CDH12: variants seen among roughly 807,000 people sequenced by gnomAD.
CDH12 encodes the protein cadherin 12.
In CDH12, 41 loss-of-function variants were observed where a neutral mutation model predicts 74.1. The ratio of observed to expected loss-of-function variants is 0.55; its 90% CI spans 0.43 to 0.72. The LOEUF is 0.72. Among genes scored for constraint, CDH12 ranks in the 30% least tolerant of loss-of-function variants. CDH12 has a pLI of 0.00. For synonymous variants in CDH12, 399 were observed against 355.0 expected (o/e 1.12, Z -1.39); for missense variants, 945 against 977.2 (o/e 0.97, Z 0.44).
At chr5:22,393,405 C>G (rs1447879284) in intron 3 of CDH12, among the ~76,000 whole-genome samples, 1 of 152,098 alleles carries the variant, frequency 6.6e-6, no homozygotes, top group Non-Finnish European at 1.5e-5. Context: ...AGACTTCCAG[C>G]CTCTAACATT....
chr5:22,314,657 GA>G (rs1738535527), intron 3 of CDH12, among the ~76,000 whole-genome samples: 1 of 152,132 alleles, frequency 6.6e-6, no homozygotes, highest in South Asian at 2.1e-4. Context: ...GTAAATGCAG[GA>G]CGCTGAGTGA....
chr5:22,398,042 A>G (rs905251632), intron 3 of CDH12, among the ~76,000 whole-genome samples: 6 of 152,142 alleles, frequency 3.9e-5, no homozygotes, highest in African/African-American at 1.2e-4. Context: ...ACCATTAGGT[A>G]AGTTTATAAG....
intron 6 of CDH12, among the ~76,000 whole-genome samples, chr5:21,934,568 T>C (rs1431759354): frequency 2.0e-5 from 3 of 152,156 alleles, no homozygotes; most frequent in Admixed American, 6.5e-5. Flanking sequence ...TATGAAAAAG[T>C]CATATGCACT....
At chr5:21,992,930 A>G (rs546352383) in intron 5 of CDH12, among the ~76,000 whole-genome samples, 2 of 152,320 alleles carry the variant, frequency 1.3e-5, no homozygotes, top group South Asian at 4.1e-4. Flanking sequence ...GAAAACTTAC[A>G]ACCTTGGCAG....
At chr5:21,878,310 C>G (rs1452047155) in intron 6 of CDH12, among the ~76,000 whole-genome samples, 1 of 152,096 alleles carries the variant, frequency 6.6e-6, no homozygotes, top group Non-Finnish European at 1.5e-5. Flanking sequence ...TGCAATTACT[C>G]AAAGCAGAAG....
chr5:22,403,450 G>A (rs540842745), intron 3 of CDH12, among the ~76,000 whole-genome samples: 2 of 152,106 alleles, frequency 1.3e-5, no homozygotes, highest in Non-Finnish European at 2.9e-5. Flanking sequence ...ATGTAATTAT[G>A]GACTGAAGAG....
chr5:22,383,269 T>C (rs1442441661), intron 3 of CDH12, among the ~76,000 whole-genome samples: 1 of 152,168 alleles, frequency 6.6e-6, no homozygotes, highest in Non-Finnish European at 1.5e-5. Context: ...ATAAAGTGAC[T>C]AGGATATTAG....
intron 3 of CDH12, among the ~76,000 whole-genome samples, chr5:22,310,213 C>T (rs1561302376): frequency 6.6e-6 from 1 of 152,140 alleles, no homozygotes; most frequent in Non-Finnish European, 1.5e-5. Flanking sequence ...GTATTCCCTG[C>T]ACTTTGGGAG....
At chr5:22,681,941 A>G (rs1267384021) in intron 1 of CDH12, among the ~76,000 whole-genome samples, 1 of 151,986 alleles carries the variant, frequency 6.6e-6, no homozygotes, top group Non-Finnish European at 1.5e-5. Flanking sequence ...TATGACATGA[A>G]ATCCATCAAA....
intron 3 of CDH12, among the ~76,000 whole-genome samples, chr5:22,229,226 A>T (rs555439783): frequency 2.6e-5 from 4 of 151,442 alleles, no homozygotes; most frequent in Non-Finnish European, 5.9e-5. Context: ...AAAATCATTT[A>T]TATTATGATG....
intron 2 of CDH12, among the ~76,000 whole-genome samples, chr5:22,470,814 C>T (rs1460956954): frequency 1.3e-5 from 2 of 150,382 alleles, no homozygotes; most frequent in Non-Finnish European, 2.9e-5. Flanking sequence ...GTGTAGGGCA[C>T]TTCTGAGCCC....
At chr5:22,067,254 G>A (rs1270378042) in intron 5 of CDH12, among the ~76,000 whole-genome samples, 1 of 152,152 alleles carries the variant, frequency 6.6e-6, no homozygotes, top group African/African-American at 2.4e-5. Flanking sequence ...CAAAGGGTAT[G>A]GGATATAAAT....
chr5:22,308,478 A>G (rs1738224458), intron 3 of CDH12, among the ~76,000 whole-genome samples: 1 of 152,204 alleles, frequency 6.6e-6, no homozygotes, highest in South Asian at 2.1e-4. Flanking sequence ...TTATTAAAAA[A>G]GATATCCTCA....
At chr5:22,476,608 T>C (rs1746182647) in intron 2 of CDH12, among the ~76,000 whole-genome samples, 1 of 152,126 alleles carries the variant, frequency 6.6e-6, no homozygotes. Context: ...AATTATTAAA[T>C]TGAGTATAAA....
chr5:21,938,742 A>G (rs1579990901), intron 6 of CDH12, among the ~76,000 whole-genome samples: 1 of 139,450 alleles, frequency 7.2e-6, no homozygotes, highest in African/African-American at 2.8e-5. Context: ...ATATATATAT[A>G]TATATATCTT....
intron 4 of CDH12, among the ~76,000 whole-genome samples, chr5:22,188,507 T>A (rs561160442): frequency 1.3e-5 from 2 of 152,300 alleles, no homozygotes; most frequent in African/African-American, 4.8e-5. Flanking sequence ...GGGTCCGACT[T>A]TGTATCATCC....
At position 22,247,295 on chromosome 5, in the gene CDH12, G is replaced by A. The variant is rs370568080; in HGVS notation, c.-332-34652C>T. 8.8e-5 allele frequency among the ~76,000 whole-genome samples: 9 copies of A among 102,380 alleles called. No individual in the cohort carries two copies. The South Asian group carries it at 1.7e-3, about 19-fold the overall frequency. 67.2% of individuals were successfully genotyped at this position (102,380 alleles called of 152,430 possible). On this transcript the variant is annotated intron_variant, in intron 3 of 14. Coordinates refer to ENST00000382254, the MANE Select transcript of CDH12 (RefSeq NM_004061.5). The stretch of plus-strand genomic sequence containing the variant: ...CTTCTCATGCAATCATTAATTCAGC[G>A]TTGCTCCAACGTCAATGAAGCCTAG...
chr5:22,718,191 G>A (rs1035384301), intron 1 of CDH12, among the ~76,000 whole-genome samples: 1 of 152,188 alleles, frequency 6.6e-6, no homozygotes, highest in Non-Finnish European at 1.5e-5. Flanking sequence ...TAAATATCCA[G>A]TTATAGAATT....
intron 5 of CDH12, among the ~76,000 whole-genome samples, chr5:22,047,305 G>C (rs1294473075): frequency 6.6e-6 from 1 of 151,940 alleles, no homozygotes; most frequent in Non-Finnish European, 1.5e-5. Context: ...ACCCTTGTTT[G>C]TTTTCTTATT....
Sources: allele counts gnomAD v4.1 joint callset (sites outside exome capture counted in the v4.1 genomes callset), GRCh38; gene constraint gnomAD v4.1.1; transcripts MANE v1.5; gene names NCBI Gene and HGNC (gene_info 2026-07-23, HGNC 2026-07-21).